Variants in NLGN1 observed in about 807,000 individuals in gnomAD.
NLGN1 encodes the protein neuroligin 1.
NLGN1 carries 12 observed loss-of-function variants against 65.5 expected under a neutral mutation model. The observed-to-expected ratio is 0.18, with a 90% CI of 0.12 to 0.30. The LOEUF is 0.30. Among genes scored for constraint, NLGN1 ranks in the 10% least tolerant of loss-of-function variants. The pLI, the probability that NLGN1 is intolerant of heterozygous loss-of-function variation, is 1.00. For synonymous variants in NLGN1, 350 were observed against 359.5 expected, an observed-to-expected ratio of 0.97 and a Z score of 0.30; for missense variants, 750 against 1,007.1, an observed-to-expected ratio of 0.74 and a Z score of 3.46.
chr3:174,001,070 G>T (rs976635880), intron 4 of NLGN1, among the ~76,000 whole-genome samples: 4 of 152,140 alleles, frequency 2.6e-5, no homozygotes, highest in African/African-American at 7.2e-5. Flanking sequence ...GCAAATGAAA[G>T]ATTTAATTGT....
chr3:173,471,754 A>G (rs927214586), intron 2 of NLGN1, among the ~76,000 whole-genome samples: 1 of 152,102 alleles, frequency 6.6e-6, no homozygotes, highest in Non-Finnish European at 1.5e-5. Flanking sequence ...CCCTCCAATG[A>G]AAATTGTTTT....
At chr3:174,228,387 A>G (rs1185751940) in intron 4 of NLGN1, among the ~76,000 whole-genome samples, 1 of 152,104 alleles carries the variant, frequency 6.6e-6, no homozygotes, top group Non-Finnish European at 1.5e-5. Context: ...TTATGAGTTC[A>G]ATCATAGTTC....
rs534413160 is a variant in NLGN1, at chr3:174,234,186, A to C, written c.647-41129A>C. 3.3e-4 allele frequency among the ~76,000 whole-genome samples: 50 copies of C among 152,228 alleles called. No individual in the cohort carries two copies. The South Asian group carries it at 0.01, about 32-fold the overall frequency. On this transcript the variant is annotated intron_variant, in intron 4 of 6. Transcript: ENST00000457714. ...TTTAGAGTAGGAGTGAAAGTTTATT[A>C]AAAAGTTTTGGAGGAGGATCAAAAG...
At chr3:174,029,683 C>T (rs1490301292) in intron 4 of NLGN1, among the ~76,000 whole-genome samples, 2 of 152,172 alleles carry the variant, frequency 1.3e-5, no homozygotes, top group Non-Finnish European at 2.9e-5. Context: ...ACCCAAATCT[C>T]ACCTTGAATT....
intron 4 of NLGN1, among the ~76,000 whole-genome samples, chr3:174,228,625 CT>C (rs1392516685): frequency 3.3e-5 from 5 of 152,052 alleles, no homozygotes; most frequent in African/African-American, 1.2e-4. Flanking sequence ...TAATATGCCC[CT>C]GCAAATAAAA....
At chr3:174,250,733 A>G (rs1255136638) in intron 4 of NLGN1, among the ~76,000 whole-genome samples, 3 of 152,010 alleles carry the variant, frequency 2.0e-5, no homozygotes, top group Non-Finnish European at 4.4e-5. Context: ...CTGATCATAA[A>G]CAATTTAAAA....
intron 1 of NLGN1, among the ~76,000 whole-genome samples, chr3:173,401,547 T>C (rs1717707855): frequency 6.6e-6 from 1 of 151,194 alleles, no homozygotes; most frequent in South Asian, 2.1e-4. Context: ...ATTGTGTCTT[T>C]TTTTATGGTG....
intron 4 of NLGN1, among the ~76,000 whole-genome samples, chr3:173,990,491 T>C (rs992634796): frequency 8.5e-5 from 13 of 152,222 alleles, no homozygotes; most frequent in African/African-American, 2.9e-4. Flanking sequence ...TTTATATTAC[T>C]ATATCACTTG....
chr3:173,942,321 T>C (rs905309892), intron 4 of NLGN1, among the ~76,000 whole-genome samples: 2 of 152,058 alleles, frequency 1.3e-5, no homozygotes, highest in Non-Finnish European at 1.5e-5. Context: ...CTTAATTAAT[T>C]TATAAAAGTA....
intron 4 of NLGN1, among the ~76,000 whole-genome samples, chr3:173,932,238 T>A (rs1744230139): frequency 6.6e-6 from 1 of 152,164 alleles, no homozygotes; most frequent in African/African-American, 2.4e-5. Context: ...TGTGATCAAG[T>A]TAAAAATGGT....
intron 3 of NLGN1, among the ~76,000 whole-genome samples, chr3:173,669,963 C>A (rs149168186): frequency 2.0e-5 from 3 of 152,108 alleles, no homozygotes; most frequent in African/African-American, 7.2e-5. Context: ...TTGTTTACAG[C>A]ATAATTAAAA....
intron 4 of NLGN1, among the ~76,000 whole-genome samples, chr3:173,923,679 C>CA (rs1742483864): frequency 2.0e-5 from 3 of 151,816 alleles, no homozygotes; most frequent in Admixed American, 6.6e-5. Context: ...TAAATTGAAA[C>CA]AAAAAATCCT....
chr3:173,908,810 GTTAT>G (rs1319496875), intron 4 of NLGN1, among the ~76,000 whole-genome samples: 2 of 152,124 alleles, frequency 1.3e-5, no homozygotes, highest in Non-Finnish European at 2.9e-5. Flanking sequence ...ATGGCATTGC[GTTAT>G]TTTTCTTTCA....
At chr3:174,238,138 T>C (rs1742090661) in intron 4 of NLGN1, among the ~76,000 whole-genome samples, 1 of 152,146 alleles carries the variant, frequency 6.6e-6, no homozygotes, top group African/African-American at 2.4e-5. Context: ...ACTCATTTGT[T>C]TTTGTTTTAT....
At chr3:173,872,336 G>C (rs1171156755) in intron 4 of NLGN1, among the ~76,000 whole-genome samples, 1 of 152,202 alleles carries the variant, frequency 6.6e-6, no homozygotes, top group Non-Finnish European at 1.5e-5. Context: ...GAACAAATGT[G>C]ATTTAGACTG....
At chr3:173,399,079 A>T (rs945178122) in intron 1 of NLGN1, among the ~76,000 whole-genome samples, 5 of 152,256 alleles carry the variant, frequency 3.3e-5, no homozygotes, top group Non-Finnish European at 7.3e-5. Flanking sequence ...TTAAAATATT[A>T]AATGTTAAAT....
intron 2 of NLGN1, among the ~76,000 whole-genome samples, chr3:173,502,642 T>C (rs1731335567): frequency 6.6e-6 from 1 of 152,160 alleles, no homozygotes; most frequent in Non-Finnish European, 1.5e-5. Flanking sequence ...GTAGGAATAC[T>C]TGTTATATGA....
chr3:173,963,024 A>G (rs1713974759), intron 4 of NLGN1, among the ~76,000 whole-genome samples: 1 of 152,146 alleles, frequency 6.6e-6, no homozygotes, highest in Non-Finnish European at 1.5e-5. Flanking sequence ...GAACCTCATA[A>G]TCTTACTAGT....
intron 3 of NLGN1, among the ~76,000 whole-genome samples, chr3:173,682,752 C>T (rs1764126984): frequency 6.6e-6 from 1 of 152,096 alleles, no homozygotes; most frequent in African/African-American, 2.4e-5. Flanking sequence ...ATATAAATAA[C>T]TCCCACATGC....
Sources: gnomAD v4.1 joint callset for allele counts (sites outside exome capture counted in the v4.1 genomes callset) on GRCh38, gnomAD v4.1.1 for gene constraint, MANE v1.5 for transcripts, NCBI Gene and HGNC (gene_info 2026-07-23, HGNC 2026-07-21) for gene names.